Variants in MEIS2 observed in about 807,000 individuals in gnomAD.
The protein encoded by MEIS2 is homeobox protein Meis2.
A neutral mutation model predicts 58.6 loss-of-function variants in MEIS2; 9 were observed. That is an observed-to-expected ratio of 0.15 (90% CI 0.09 to 0.27). MEIS2 has a LOEUF of 0.27. MEIS2 is among the 10% of genes least tolerant of loss of function. The pLI is 1.00. For synonymous variants in MEIS2, 221 were observed against 228.4 expected, an observed-to-expected ratio of 0.97 and a Z score of 0.29; for missense variants, 427 against 635.0, an observed-to-expected ratio of 0.67 and a Z score of 3.52.
chr15:37,056,089 C>T (rs1596029253), intron 7 of MEIS2, among the ~76,000 whole-genome samples: 1 of 152,134 alleles, frequency 6.6e-6, no homozygotes, highest in Non-Finnish European at 1.5e-5. Context: ...GGAAGAAAAT[C>T]TGGGTCATGT....
chr15:37,041,882 A>G (rs917047767), intron 7 of MEIS2, among the ~76,000 whole-genome samples: 1 of 152,192 alleles, frequency 6.6e-6, no homozygotes, highest in Non-Finnish European at 1.5e-5. Flanking sequence ...TGGTCATAAA[A>G]ACTACCTAGG....
Position 37,035,691 on chromosome 15 carries a change from C to T in MEIS2, c.900+1123G>A, listed in dbSNP as rs1016843144. Among the ~76,000 whole-genome samples the T allele has an allele frequency of 2.0e-5, 3 of 152,172 alleles. No homozygotes were observed. The South Asian group carries it at 6.2e-4, about 32-fold the overall frequency. On this transcript the variant is annotated intron_variant, in intron 8 of 11. Coordinates refer to ENST00000561208, the MANE Select transcript of MEIS2 (RefSeq NM_170675.5). The stretch of plus-strand genomic sequence containing the variant: ...TACACCTTAGTTTGCTACTAATGTC[C>T]TTACATCAAAATGGCCGATTTAGGA...
chr15:36,936,926 G>C (rs140019778), intron 9 of MEIS2, among the ~76,000 whole-genome samples: 199 of 152,310 alleles, frequency 1.3e-3, no homozygotes, highest in African/African-American at 3.2e-3. Flanking sequence ...CTCTGTATTA[G>C]TGTTAACCAA....
chr15:37,028,329 T>C (rs2061781231), intron 8 of MEIS2, among the ~76,000 whole-genome samples: 1 of 152,186 alleles, frequency 6.6e-6, no homozygotes, highest in Non-Finnish European at 1.5e-5. Flanking sequence ...CTCAGAACCA[T>C]GTGAACAAAG....
chr15:36,996,863 G>A (rs2060538785), intron 8 of MEIS2, among the ~76,000 whole-genome samples: 1 of 152,176 alleles, frequency 6.6e-6, no homozygotes, highest in East Asian at 1.9e-4. Flanking sequence ...AACCAGAAAT[G>A]GGAGTAACTC....
chr15:36,943,666 T>C (rs1355066158), intron 9 of MEIS2, among the ~76,000 whole-genome samples: 1 of 152,066 alleles, frequency 6.6e-6, no homozygotes, highest in African/African-American at 2.4e-5. Context: ...GAACTTTTTT[T>C]CTCCCCTTAT....
chr15:37,093,889 T>C lies in MEIS2; in HGVS notation c.490-159A>G, dbSNP rs545759026. ...AACTCTAATTAAAGGGTGTAATAGT[T>C]GAAGGCAAGGAAACAATAGAGTAAT... On this transcript the variant is annotated intron_variant, in intron 5 of 11. Transcript: ENST00000561208. 15 of 848,526 alleles carry C rather than the reference T, an allele frequency of 1.8e-5. No individual in the cohort carries two copies. The East Asian group carries it at 3.4e-4, about 19-fold the overall frequency. The allele number at this position is 848,526 out of a possible 1,614,324, so 52.6% of individuals were successfully genotyped here.
intron 8 of MEIS2, among the ~76,000 whole-genome samples, chr15:37,016,276 T>C (rs1391921374): frequency 1.3e-5 from 2 of 152,166 alleles, no homozygotes; most frequent in South Asian, 2.1e-4. Context: ...CAGAAAGCTA[T>C]CTGTTTTTGA....
intron 7 of MEIS2, among the ~76,000 whole-genome samples, chr15:37,079,291 A>G (rs551135437): frequency 6.6e-6 from 1 of 152,316 alleles, no homozygotes; most frequent in African/African-American, 2.4e-5. Context: ...ACAGTAAGTG[A>G]CCAGTTTTGG....
rs59061267 is a variant in MEIS2 at position 36,952,607 on chromosome 15, CTGTGTGTG to C, written c.901-2215_901-2208del. Among the ~76,000 whole-genome samples the C allele has an allele frequency of 3.0e-3, 424 of 139,944 alleles. 2 individuals are homozygous for C. Among genetic ancestry groups the C allele is most frequent in the South Asian group, 8.1e-3 (32 of 3,950 alleles). 91.8% of individuals were successfully genotyped at this position (139,944 alleles called of 152,430 possible). On this transcript the variant is annotated intron_variant, in intron 8 of 11. Coordinates refer to ENST00000561208, the MANE Select transcript of MEIS2 (RefSeq NM_170675.5). ...AGAGTCTGTCTGTCTGTCTCTCTCT[CTGTGTGTG>C]TGTGTGTGTGTGTGTGTGTGTGTGT...
chr15:37,010,921 A>G (rs2061128235), intron 8 of MEIS2, among the ~76,000 whole-genome samples: 1 of 152,210 alleles, frequency 6.6e-6, no homozygotes, highest in African/African-American at 2.4e-5. Context: ...AATCAGGTCC[A>G]AGTTCACAAA....
At chr15:36,932,480 G>C (rs1427069010) in intron 9 of MEIS2, among the ~76,000 whole-genome samples, 1 of 152,058 alleles carries the variant, frequency 6.6e-6, no homozygotes, top group Non-Finnish European at 1.5e-5. Context: ...CATCCACCAA[G>C]AAAATGAGGA....
intron 7 of MEIS2, among the ~76,000 whole-genome samples, chr15:37,063,505 C>A (rs1380573172): frequency 6.6e-6 from 1 of 152,206 alleles, no homozygotes; most frequent in Admixed American, 6.5e-5. Context: ...GTTTTCCCAA[C>A]TGAAAAACCC....
intron 8 of MEIS2, among the ~76,000 whole-genome samples, chr15:37,026,282 C>T (rs895833622): frequency 6.6e-6 from 1 of 152,104 alleles, no homozygotes; most frequent in African/African-American, 2.4e-5. Context: ...GTAGCACCAC[C>T]CCGGTACACT....
chr15:36,929,044 T>C (rs949362732), intron 9 of MEIS2, among the ~76,000 whole-genome samples: 2 of 152,246 alleles, frequency 1.3e-5, no homozygotes, highest in Admixed American at 6.5e-5. Context: ...TAACTAATTA[T>C]ATAACTCTTC....
intron 9 of MEIS2, among the ~76,000 whole-genome samples, chr15:36,924,295 C>T (rs1337398496): frequency 6.6e-6 from 1 of 152,188 alleles, no homozygotes; most frequent in Non-Finnish European, 1.5e-5. Flanking sequence ...GGGGGTCCTG[C>T]CCTGTCAGGC....
chr15:36,998,520 T>C (rs4493003), intron 8 of MEIS2, among the ~76,000 whole-genome samples: 111,815 of 151,980 alleles, frequency 0.74, 44,832 homozygotes, highest in Non-Finnish European at 0.91. Flanking sequence ...AGTGCCTGGC[T>C]AAGGCTTTTC....
intron 9 of MEIS2, among the ~76,000 whole-genome samples, chr15:36,914,116 T>A (rs560903067): frequency 1.6e-3 from 246 of 152,212 alleles, no homozygotes; most frequent in African/African-American, 5.5e-3. Flanking sequence ...TCAATATAAA[T>A]TTACACCCCA....
Position 36,891,395 on chromosome 15 carries a change from T to C in MEIS2, c.*778A>G, listed in dbSNP as rs1377029179. On this transcript the variant is annotated 3_prime_UTR_variant, in exon 12 of 12. Transcript: ENST00000561208. ...TGATAAAGTCCTAGTTATGGTTCAA[T>C]GACCATTAATAACTTTTTTTTGTGT... 3.1e-5 allele frequency: 4 copies of C among 131,138 alleles called. No homozygotes were observed. Among genetic ancestry groups the C allele is most frequent in the African/African-American group, 9.1e-5 (3 of 33,130 alleles). 8.1% of individuals were successfully genotyped at this position (131,138 alleles called of 1,614,324 possible). A position where few individuals can be genotyped will look rare whatever the true frequency, so the allele number is the denominator to read the frequency against.
Sources: allele counts gnomAD v4.1 joint callset (sites outside exome capture counted in the v4.1 genomes callset), GRCh38; gene constraint gnomAD v4.1.1; transcripts MANE v1.5; gene names NCBI Gene and HGNC (gene_info 2026-07-23, HGNC 2026-07-21).